PSMC3IP: variants seen among roughly 807,000 people sequenced by gnomAD.
PSMC3IP encodes the protein PSMC3 interacting protein, also known as homologous-pairing protein 2 homolog.
In PSMC3IP, 26 loss-of-function variants were observed where a neutral mutation model predicts 34.9. The observed-to-expected ratio is 0.74, with a 90% confidence interval of 0.55 to 1.03. The LOEUF is 1.03. Among genes scored for constraint, PSMC3IP ranks in the 50% least tolerant of loss-of-function variants. The pLI is 0.00. For missense variants in PSMC3IP, 250 were observed against 263.1 expected (o/e 0.95, Z 0.34); for synonymous variants, 87 against 96.5 (o/e 0.90, Z 0.57).
intron 2 of PSMC3IP, 53 bp downstream of exon 2, chr17:42,577,408 A>G: frequency 6.2e-7 from 1 of 1,610,856 alleles, no homozygotes; most frequent in Non-Finnish European, 8.5e-7. Flanking sequence ...GCACGACCCC[A>G]GCCTGAATCC....
At chr17:42,573,216 G>A in intron 6 of PSMC3IP, 50 bp from the exon 7 acceptor site, 1 of 1,614,090 alleles carries the variant, frequency 6.2e-7, no homozygotes. Context: ...ACTGGGCACT[G>A]CCTGTCAGTT....
At chr17:42,577,016 C>A in intron 3 of PSMC3IP, 197 bp downstream of exon 3, 2 of 1,313,256 alleles carry the variant, frequency 1.5e-6, no homozygotes, top group Non-Finnish European at 1.0e-6. Flanking sequence ...AATCTTCTGT[C>A]ATCCATCATA....
At position 42,577,524 on chromosome 17, in the gene PSMC3IP, G is replaced by T; in HGVS notation, c.72C>A (p.Asn24Lys). 1 of 1,614,206 alleles carries T rather than the reference G, an allele frequency of 6.2e-7. No homozygotes were observed. The highest frequency in any genetic ancestry group is 8.5e-7 in the Non-Finnish European group (1 of 1,180,036). ...ACACATCCTGGGAGCTGTAGGGCCG[G>T]TTCTGCTCCTGCAGGTACCTCAGGA... ...GILLRYLQEQ[N>K]RPYSSQDVFG... Residue 24 changes from asparagine (N) to lysine (K), a missense_variant, in exon 2 of 8, where the codon AAC becomes AAA. Coordinates refer to ENST00000393795, the MANE Select transcript of PSMC3IP (RefSeq NM_016556.4).
At chr17:42,575,877 A>T (rs1375564554) in intron 3 of PSMC3IP, among the ~76,000 whole-genome samples, 2 of 146,390 alleles carry the variant, frequency 1.4e-5, no homozygotes, top group African/African-American at 2.5e-5. Flanking sequence ...AAAAAAAATT[A>T]GGCTTCGTGG....
chr17:42,573,187 C>G, intron 6 of PSMC3IP, 21 bp from the exon 7 acceptor site: 1 of 1,614,150 alleles, frequency 6.2e-7, no homozygotes, highest in Non-Finnish European at 8.5e-7. Context: ...ATAAAACCAC[C>G]CGTTTTCAGA....
Position 42,577,649 on chromosome 17 carries a change from T to C in PSMC3IP, c.34+4A>G, listed in dbSNP as rs764111327. 6.2e-7 allele frequency: 1 copy of C among 1,614,132 alleles called. No homozygotes were observed. The highest frequency in any genetic ancestry group is 1.3e-5 in the African/African-American group (1 of 75,062). ...GGTCTTCCCCGCGCCCACGGCGCCG[T>C]TACCTCCCGCCGCAGCTTCTGCCCG... On this transcript the variant is annotated splice_donor_region_variant and intron_variant, in intron 1 of 7. Coordinates refer to ENST00000393795, the MANE Select transcript of PSMC3IP (RefSeq NM_016556.4).
intron 3 of PSMC3IP, chr17:42,576,856 G>A (rs2093078469): frequency 5.7e-6 from 2 of 348,728 alleles, no homozygotes; most frequent in South Asian, 4.6e-5. Flanking sequence ...TCCAGCTGGA[G>A]GTCTGGGCTG....
At chr17:42,574,346 G>C in intron 3 of PSMC3IP, 136 bp from the exon 4 acceptor site, 1 of 1,512,262 alleles carries the variant, frequency 6.6e-7, no homozygotes, top group South Asian at 1.2e-5. Context: ...TGCAGAAATA[G>C]TGGGAGAGTA....
intron 3 of PSMC3IP, among the ~76,000 whole-genome samples, chr17:42,574,634 C>T (rs1019915751): frequency 1.3e-5 from 2 of 151,462 alleles, no homozygotes; most frequent in Admixed American, 1.3e-4. Context: ...TTTCTTCTTC[C>T]TTCCTGTCCT....
intron 4 of PSMC3IP, 166 bp downstream of exon 4, chr17:42,573,933 A>G (rs1440801988): frequency 6.5e-7 from 1 of 1,533,782 alleles, no homozygotes; most frequent in Admixed American, 2.0e-5. Flanking sequence ...GTTGGTACAC[A>G]AAAGCCGTTA....
At position 42,574,101 on chromosome 17, in the gene PSMC3IP, G is replaced by T. The variant is rs1248941427; in HGVS notation, c.335C>A (p.Ala112Asp). Residue 112 changes from alanine (A) to aspartate (D), a missense_variant and splice_region_variant, in exon 4 of 8, where the codon GCT (alanine) becomes GAT (aspartate). Transcript: ENST00000393795. ...TTGGAGGGGCTACCCAGTCCTACCA[G>T]CCTCCATGTAGCGGCAGCTCTGCTG... ...SLQQSCRYME[A>D]ELKELSSALT... 2.5e-6 allele frequency: 4 copies of T among 1,614,084 alleles called. No homozygotes were observed. The African/African-American group carries it at 5.3e-5, about 22-fold the overall frequency.
rs773389222 is a variant in PSMC3IP, at chr17:42,573,921, T to C, written c.337+178A>G. On this transcript the variant is annotated intron_variant, in intron 4 of 7. Coordinates refer to ENST00000393795, the MANE Select transcript of PSMC3IP (RefSeq NM_016556.4). Reference sequence around the variant, plus strand: ...GAGAACAAATGCGTATCTTGTCCATTTGTTGGTACACAAAAGCCGTTAGTT... The same window carrying C: ...GAGAACAAATGCGTATCTTGTCCATCTGTTGGTACACAAAAGCCGTTAGTT... 13 of 1,532,874 alleles carry C rather than the reference T, an allele frequency of 8.5e-6. No individual in the cohort carries two copies. The South Asian group carries it at 1.4e-4, about 17-fold the overall frequency. 95.0% of individuals were successfully genotyped at this position (1,532,874 alleles called of 1,614,324 possible).
In PSMC3IP at chr17:42,577,547, G is replaced by A. The variant is rs758464625; in HGVS notation, c.49C>T (p.Leu17=). Residue 17 remains leucine (L), a synonymous_variant, in exon 2 of 8, where the codon CTG becomes TTG. Coordinates refer to ENST00000393795, the MANE Select transcript of PSMC3IP (RefSeq NM_016556.4). ...CGGTTCTGCTCCTGCAGGTACCTCA[G>A]GAGGATCCCGGCGGCTACGGAGAGA... ...EAAAGAAGIL[L]RYLQEQNRPY... The A allele has an allele frequency of 6.2e-7, 1 of 1,614,178 alleles. No homozygotes were observed. The highest frequency in any genetic ancestry group is 1.1e-5 in the South Asian group (1 of 91,084).
At chr17:42,575,259 C>T (rs1465652201) in intron 3 of PSMC3IP, among the ~76,000 whole-genome samples, 1 of 152,146 alleles carries the variant, frequency 6.6e-6, no homozygotes. Flanking sequence ...GGGCAGAGGC[C>T]AGCAAACTAT....
intron 7 of PSMC3IP, 23 bp from the exon 8 acceptor site, chr17:42,573,047 AATGAG>A (rs1237781925): frequency 6.2e-7 from 1 of 1,614,242 alleles, no homozygotes; most frequent in East Asian, 2.2e-5. Flanking sequence ...GAGACAAGTG[AATGAG>A]ATGTCACCAG....
chr17:42,572,590 A>G lies in PSMC3IP; in HGVS notation c.*378T>C, dbSNP rs2093040505. ...TTTTATAGCAACCTCTCTCTACCCTAGTTCTCCAAATTCACTTCTGCCTTC... is the reference window on the plus strand; with the variant it reads ...TTTTATAGCAACCTCTCTCTACCCTGGTTCTCCAAATTCACTTCTGCCTTC... On this transcript the variant is annotated 3_prime_UTR_variant, in exon 8 of 8. Transcript: ENST00000393795. 2.2e-6 allele frequency: 1 copy of G among 452,826 alleles called. No homozygotes were observed. 28.1% of individuals were successfully genotyped at this position (452,826 alleles called of 1,614,324 possible).
chr17:42,576,003 A>G (rs2093073146), intron 3 of PSMC3IP, among the ~76,000 whole-genome samples: 1 of 152,328 alleles, frequency 6.6e-6, no homozygotes, highest in African/African-American at 2.4e-5. Flanking sequence ...CCTGGGTGAC[A>G]GAGCGAGACT....
intron 3 of PSMC3IP, among the ~76,000 whole-genome samples, chr17:42,576,182 A>G (rs557441869): frequency 4.6e-5 from 7 of 152,252 alleles, no homozygotes; most frequent in Non-Finnish European, 1.0e-4. Flanking sequence ...AGGGAAGACA[A>G]CATGCAAAGG....
intron 4 of PSMC3IP, 115 bp from the exon 5 acceptor site, chr17:42,573,738 A>T: frequency 6.5e-7 from 1 of 1,528,406 alleles, no homozygotes; most frequent in Non-Finnish European, 8.9e-7. Context: ...TCTCACATGG[A>T]AACTAAGCCA....
Sources: gnomAD v4.1 joint callset for allele counts (sites outside exome capture counted in the v4.1 genomes callset) on GRCh38, gnomAD v4.1.1 for gene constraint, MANE v1.5 for transcripts, NCBI Gene and HGNC (gene_info 2026-07-23, HGNC 2026-07-21) for gene names.